RBM20: variants seen among roughly 807,000 people sequenced by gnomAD.
RBM20 encodes RNA-binding protein 20.
RBM20 carries 51 observed loss-of-function variants against 110.1 expected under a neutral mutation model. That is an observed-to-expected ratio of 0.46 (90% confidence interval 0.37 to 0.59). RBM20 has a LOEUF of 0.59. Ranked by LOEUF, RBM20 falls within the 20% of genes least tolerant of loss-of-function variation. The probability of loss-of-function intolerance (pLI) is 0.00; values close to 1 mark genes in which losing one functional copy is unlikely to be tolerated. For missense variants in RBM20, 1,512 were observed against 1,574.9 expected (o/e 0.96, Z 0.68); for synonymous variants, 589 against 618.2 (o/e 0.95, Z 0.70).
At chr10:110,749,531 G>A (rs927469836) in intron 1 of RBM20, among the ~76,000 whole-genome samples, 1 of 152,118 alleles carries the variant, frequency 6.6e-6, no homozygotes, top group Non-Finnish European at 1.5e-5. Context: ...TTGTGTAAAA[G>A]TGTCTCATTG....
chr10:110,779,378 C>T (rs926390151), intron 1 of RBM20, among the ~76,000 whole-genome samples: 7 of 152,160 alleles, frequency 4.6e-5, no homozygotes, highest in South Asian at 2.1e-4. Flanking sequence ...GGGGGGTGCC[C>T]GAGAGGATGT....
At chr10:110,670,175 A>G (rs1862237821) in intron 1 of RBM20, among the ~76,000 whole-genome samples, 1 of 152,112 alleles carries the variant, frequency 6.6e-6, no homozygotes, top group African/African-American at 2.4e-5. Context: ...GCACGTTTAC[A>G]TGAATGTGTA....
chr10:110,678,358 A>G (rs893813744), intron 1 of RBM20, among the ~76,000 whole-genome samples: 1 of 152,236 alleles, frequency 6.6e-6, no homozygotes, highest in African/African-American at 2.4e-5. Context: ...TTCTGTTTCA[A>G]GACGTACTTG....
chr10:110,745,677 T>G (rs1454771830), intron 1 of RBM20, among the ~76,000 whole-genome samples: 2 of 152,172 alleles, frequency 1.3e-5, no homozygotes, highest in Non-Finnish European at 2.9e-5. Flanking sequence ...CATATCCAAT[T>G]CAATGTCACA....
intron 1 of RBM20, among the ~76,000 whole-genome samples, chr10:110,653,691 T>A (rs1020856885): frequency 6.6e-6 from 1 of 152,058 alleles, no homozygotes; most frequent in Admixed American, 6.6e-5. Flanking sequence ...AAGTAGCTGG[T>A]ACTGTAGACG....
intron 1 of RBM20, among the ~76,000 whole-genome samples, chr10:110,681,657 T>G (rs1279500856): frequency 2.6e-5 from 4 of 152,200 alleles, no homozygotes; most frequent in African/African-American, 9.6e-5. Context: ...ACTTTTTATT[T>G]TAAAATGATT....
intron 1 of RBM20, among the ~76,000 whole-genome samples, chr10:110,719,487 T>G (rs1843480783): frequency 6.6e-6 from 1 of 152,248 alleles, no homozygotes; most frequent in African/African-American, 2.4e-5. Flanking sequence ...TTGTAAATAT[T>G]GCTTTTGGTT....
chr10:110,736,989 A>T (rs1324471453), intron 1 of RBM20, among the ~76,000 whole-genome samples: 1 of 151,772 alleles, frequency 6.6e-6, no homozygotes, highest in African/African-American at 2.4e-5. Flanking sequence ...AGCCTGGCCA[A>T]CGTGGTGAAA....
intron 1 of RBM20, among the ~76,000 whole-genome samples, chr10:110,727,813 C>A (rs1377262154): frequency 2.0e-5 from 3 of 152,128 alleles, no homozygotes; most frequent in Admixed American, 2.0e-4. Flanking sequence ...TCCCCCATCC[C>A]TCAACAGGCC....
intron 1 of RBM20, among the ~76,000 whole-genome samples, chr10:110,646,378 C>T (rs1235948341): frequency 6.6e-6 from 1 of 152,100 alleles, no homozygotes; most frequent in Non-Finnish European, 1.5e-5. Flanking sequence ...AAATTCATCC[C>T]CCATTTTGAA....
chr10:110,789,648 A>G (rs1343370179), intron 5 of RBM20, among the ~76,000 whole-genome samples: 5 of 151,984 alleles, frequency 3.3e-5, no homozygotes, highest in Non-Finnish European at 5.9e-5. Context: ...GGGTGTCGCC[A>G]TGTTGCCCAG....
chr10:110,831,378 T>A, intron 13 of RBM20, 196 bp downstream of exon 13: 1 of 513,552 alleles, frequency 1.9e-6, no homozygotes, highest in Non-Finnish European at 3.4e-6. Flanking sequence ...CTCCTTCCAC[T>A]ACATGGAAAA....
At chr10:110,669,420 G>C (rs1564810540) in intron 1 of RBM20, among the ~76,000 whole-genome samples, 1 of 152,152 alleles carries the variant, frequency 6.6e-6, no homozygotes, top group Admixed American at 6.5e-5. Flanking sequence ...CGTGTTTACA[G>C]GCCACTACAA....
intron 5 of RBM20, among the ~76,000 whole-genome samples, chr10:110,796,097 A>G (rs1237845921): frequency 1.3e-5 from 2 of 152,256 alleles, no homozygotes; most frequent in Non-Finnish European, 1.5e-5. Flanking sequence ...TTAGATTCCC[A>G]CAAACTTTCT....
chr10:110,767,212 G>A (rs1319318506), intron 1 of RBM20, among the ~76,000 whole-genome samples: 2 of 131,694 alleles, frequency 1.5e-5, no homozygotes, highest in African/African-American at 5.7e-5. Flanking sequence ...CGGGCGGGGG[G>A]GCTGACCCCC....
At chr10:110,827,144 A>G (rs923280962) in intron 12 of RBM20, among the ~76,000 whole-genome samples, 2 of 152,174 alleles carry the variant, frequency 1.3e-5, no homozygotes, top group Non-Finnish European at 2.9e-5. Context: ...CCAGGATGAC[A>G]TAGCAAACGC....
intron 13 of RBM20, among the ~76,000 whole-genome samples, chr10:110,831,971 G>C (rs961777213): frequency 1.3e-4 from 20 of 152,040 alleles, no homozygotes; most frequent in African/African-American, 4.6e-4. Flanking sequence ...CTATTTTTTG[G>C]TACCAACTAG....
At chr10:110,787,908 C>T (rs894328678) in intron 5 of RBM20, among the ~76,000 whole-genome samples, 76 of 152,126 alleles carry the variant, frequency 5.0e-4, no homozygotes, top group Non-Finnish European at 5.9e-5. Flanking sequence ...CAACAGCCAA[C>T]ATTTATATAG....
In RBM20 at chr10:110,781,149, C is replaced by T. The variant is rs576099332; in HGVS notation, c.540C>T (p.Pro180=). Residue 180 remains proline, a synonymous_variant, in exon 2 of 14, where the codon CCC becomes CCT. Coordinates refer to ENST00000369519, the MANE Select transcript of RBM20 (RefSeq NM_001134363.3). ...AFSPPSQTRG[P]GPSMNLPNQP... is the part of the protein sequence containing the mutation. ...CACCCCCCAGCCAGACACGAGGCCCCGGACCCTCCATGAACCTTCCCAACC... is the reference window on the plus strand; with the variant it reads ...CACCCCCCAGCCAGACACGAGGCCCTGGACCCTCCATGAACCTTCCCAACC... 27 of 1,551,710 alleles carry T rather than the reference C, an allele frequency of 1.7e-5. No homozygotes were observed. In the East Asian group the frequency reaches 2.7e-4, roughly 15 times the overall value.
Sources: gnomAD v4.1 joint callset for allele counts (sites outside exome capture counted in the v4.1 genomes callset) on GRCh38, gnomAD v4.1.1 for gene constraint, MANE v1.5 for transcripts, NCBI Gene and HGNC (gene_info 2026-07-23, HGNC 2026-07-21) for gene names.